The following GABRG3 variants were observed in gnomAD, a reference collection of about 807,000 sequenced individuals.
GABRG3 encodes the protein gamma-aminobutyric acid type A receptor subunit gamma3, also known as gamma-aminobutyric acid receptor subunit gamma-3.
In GABRG3, 25 loss-of-function variants were observed where a neutral mutation model predicts 48.8. The observed-to-expected ratio is 0.51, with a 90% confidence interval of 0.37 to 0.72. The LOEUF is 0.72. Ranked by LOEUF, GABRG3 falls within the 30% of genes least tolerant of loss-of-function variation. The pLI is 0.00. For missense variants in GABRG3, 394 were observed against 577.9 expected (o/e 0.68, Z 3.26); for synonymous variants, 227 against 217.6 (o/e 1.04, Z -0.38).
intron 3 of GABRG3, among the ~76,000 whole-genome samples, chr15:27,313,307 T>TATATAC (rs1260635523): frequency 1.6e-4 from 16 of 98,960 alleles, no homozygotes; most frequent in East Asian, 1.5e-3. Flanking sequence ...TATATATATA[T>TATATAC]ATACCCAACA....
intron 2 of GABRG3, among the ~76,000 whole-genome samples, chr15:26,986,212 A>G (rs1480062342): frequency 2.0e-5 from 3 of 152,232 alleles, no homozygotes; most frequent in African/African-American, 7.2e-5. Flanking sequence ...AAATAATTCA[A>G]ATGTATTCAC....
intron 3 of GABRG3, among the ~76,000 whole-genome samples, chr15:27,302,495 AC>A (rs1209098874): frequency 6.6e-6 from 1 of 152,082 alleles, no homozygotes; most frequent in Non-Finnish European, 1.5e-5. Context: ...ATGAAGCAAA[AC>A]CAGACAAAAC....
intron 5 of GABRG3, among the ~76,000 whole-genome samples, chr15:27,424,381 C>A (rs551600754): frequency 1.1e-4 from 17 of 152,248 alleles, no homozygotes; most frequent in African/African-American, 3.6e-4. Context: ...TCAGTGTCTA[C>A]TGAGGGCTGC....
chr15:27,303,860 T>G (rs1892302063), intron 3 of GABRG3, among the ~76,000 whole-genome samples: 1 of 151,384 alleles, frequency 6.6e-6, no homozygotes, highest in Admixed American at 6.6e-5. Context: ...AACAAAGTGA[T>G]TCCAGCAATA....
intron 3 of GABRG3, among the ~76,000 whole-genome samples, chr15:27,242,239 T>A (rs1890148533): frequency 6.6e-6 from 1 of 152,186 alleles, no homozygotes; most frequent in Admixed American, 6.5e-5. Flanking sequence ...GCTGCAGAGG[T>A]GGCTGGGAGA....
intron 5 of GABRG3, among the ~76,000 whole-genome samples, chr15:27,471,738 C>G (rs184236783): frequency 6.6e-6 from 1 of 152,262 alleles, no homozygotes; most frequent in Non-Finnish European, 1.5e-5. Flanking sequence ...TTCCACTGAT[C>G]ATAAACACCT....
intron 2 of GABRG3, among the ~76,000 whole-genome samples, chr15:27,014,564 T>G (rs1348686622): frequency 1.3e-5 from 2 of 152,160 alleles, no homozygotes; most frequent in African/African-American, 4.8e-5. Context: ...TGTTTAAGAG[T>G]AAATTATTCA....
intron 3 of GABRG3, among the ~76,000 whole-genome samples, chr15:27,071,751 A>G (rs749906536): frequency 3.3e-5 from 5 of 152,250 alleles, no homozygotes; most frequent in African/African-American, 2.4e-5. Flanking sequence ...GTTTGCAGAC[A>G]GATATGGATA....
intron 5 of GABRG3, among the ~76,000 whole-genome samples, chr15:27,475,796 G>T (rs1195987571): frequency 6.6e-6 from 1 of 151,924 alleles, no homozygotes; most frequent in South Asian, 2.1e-4. Flanking sequence ...TGGTGATGGT[G>T]ATGATGGTAA....
At chr15:27,008,960 T>A (rs1198556732) in intron 2 of GABRG3, among the ~76,000 whole-genome samples, 1 of 152,002 alleles carries the variant, frequency 6.6e-6, no homozygotes, top group African/African-American at 2.4e-5. Flanking sequence ...GAGGAATGTT[T>A]CCAGAGAAGA....
intron 3 of GABRG3, among the ~76,000 whole-genome samples, chr15:27,061,035 G>T (rs1436708705): frequency 1.3e-5 from 2 of 152,192 alleles, no homozygotes; most frequent in Non-Finnish European, 2.9e-5. Context: ...AGCACATTTT[G>T]AATGTAAAAG....
chr15:27,277,380 T>C (rs897417827), intron 3 of GABRG3, among the ~76,000 whole-genome samples: 4 of 152,230 alleles, frequency 2.6e-5, no homozygotes, highest in Non-Finnish European at 4.4e-5. Context: ...CTAATAACTA[T>C]GTAACATTGC....
At chr15:27,260,330 C>T (rs1279192418) in intron 3 of GABRG3, among the ~76,000 whole-genome samples, 1 of 152,126 alleles carries the variant, frequency 6.6e-6, no homozygotes, top group African/African-American at 2.4e-5. Flanking sequence ...TGGATTAGGG[C>T]CCACTCTTAC....
At position 27,142,658 on chromosome 15, in the gene GABRG3, C is replaced by G. The variant is rs141252194; in HGVS notation, c.270+115837C>G. On this transcript the variant is annotated intron_variant, in intron 3 of 9. Coordinates refer to ENST00000615808, the MANE Select transcript of GABRG3 (RefSeq NM_033223.5). ...ACCGTGCATGACTTTTCCCCTTGGTCAAATTTAAATGGCAGTGTTTTGGGC... is the reference window on the plus strand; with the variant it reads ...ACCGTGCATGACTTTTCCCCTTGGTGAAATTTAAATGGCAGTGTTTTGGGC... 7.3e-3 allele frequency among the ~76,000 whole-genome samples: 1,109 copies of G among 152,230 alleles called. 21 individuals carry two copies. Among genetic ancestry groups the G allele is most frequent in the African/African-American group, 0.026 (1,063 of 41,548 alleles).
rs1890050739 is a variant in GABRG3 at position 27,479,742 on chromosome 15, T to G, written c.575-908T>G. The stretch of plus-strand genomic sequence containing the variant: ...TGAGAATGCCAATGCTGTCACGTGT[T>G]GCCAATGACATAAGGCCTAGACCTG... On this transcript the variant is annotated intron_variant, in intron 5 of 9. Transcript: ENST00000615808. 2.0e-5 allele frequency among the ~76,000 whole-genome samples: 3 copies of G among 152,352 alleles called. No individual in the cohort carries two copies. The South Asian group carries it at 6.2e-4, about 32-fold the overall frequency.
At chr15:27,228,264 G>T (rs1169681168) in intron 3 of GABRG3, among the ~76,000 whole-genome samples, 1 of 152,078 alleles carries the variant, frequency 6.6e-6, no homozygotes, top group Non-Finnish European at 1.5e-5. Context: ...CCTTCTTCAT[G>T]TTCGTGAGTT....
intron 5 of GABRG3, among the ~76,000 whole-genome samples, chr15:27,341,629 C>T (rs1332049343): frequency 6.6e-6 from 1 of 152,130 alleles, no homozygotes; most frequent in Non-Finnish European, 1.5e-5. Flanking sequence ...TCATCTGCCC[C>T]TATCACGCAG....
chr15:27,321,777 T>C (rs1179317465), intron 3 of GABRG3, among the ~76,000 whole-genome samples: 5 of 152,252 alleles, frequency 3.3e-5, no homozygotes, highest in South Asian at 2.1e-4. Context: ...GGTCCTCTTC[T>C]TTAATAAAGG....
At chr15:26,980,427 C>T (rs938967988) in intron 2 of GABRG3, among the ~76,000 whole-genome samples, 1 of 151,970 alleles carries the variant, frequency 6.6e-6, no homozygotes, top group Admixed American at 6.6e-5. Context: ...CCTGTAGTCC[C>T]AGCACTTTGG....
Sources: allele counts gnomAD v4.1 joint callset (sites outside exome capture counted in the v4.1 genomes callset), GRCh38; gene constraint gnomAD v4.1.1; transcripts MANE v1.5; gene names NCBI Gene and HGNC (gene_info 2026-07-23, HGNC 2026-07-21).